CTNNA3: variants seen among roughly 807,000 people sequenced by gnomAD.
CTNNA3 encodes catenin alpha-3.
Under a neutral mutation model 95.7 loss-of-function variants are expected in CTNNA3, and 76 were observed. That is an observed-to-expected ratio of 0.79 (90% CI 0.66 to 0.96). The LOEUF (loss-of-function observed/expected upper bound fraction) is 0.96. Among genes scored for constraint, CTNNA3 ranks in the 40% least tolerant of loss-of-function variants. The pLI, the probability that CTNNA3 is intolerant of heterozygous loss-of-function variation, is 0.00. For synonymous variants in CTNNA3, 431 were observed against 374.4 expected (o/e 1.15, Z -1.74); for missense variants, 1,191 against 1,089.8 (o/e 1.09, Z -1.31).
intron 13 of CTNNA3, among the ~76,000 whole-genome samples, chr10:66,242,332 A>T (rs1241373396): frequency 6.6e-6 from 1 of 152,234 alleles, no homozygotes; most frequent in Non-Finnish European, 1.5e-5. Flanking sequence ...ACTAAACTGG[A>T]TTTCACCAAA....
intron 1 of CTNNA3, among the ~76,000 whole-genome samples, chr10:67,741,445 C>T (rs952912990): frequency 4.0e-5 from 6 of 150,062 alleles, no homozygotes; most frequent in Non-Finnish European, 7.4e-5. Flanking sequence ...ACTTTACAGA[C>T]AAGCAAATGC....
At chr10:67,322,101 C>T (rs894169572) in intron 5 of CTNNA3, among the ~76,000 whole-genome samples, 5 of 129,654 alleles carry the variant, frequency 3.9e-5, no homozygotes, top group African/African-American at 1.3e-4. Context: ...GGAGAAAAGT[C>T]CATGCTTATA....
intron 7 of CTNNA3, among the ~76,000 whole-genome samples, chr10:67,171,229 G>C (rs1456376319): frequency 6.6e-6 from 1 of 152,078 alleles, no homozygotes; most frequent in South Asian, 2.1e-4. Context: ...CATTTTAATT[G>C]CTTCTTGCTA....
intron 7 of CTNNA3, among the ~76,000 whole-genome samples, chr10:66,865,666 T>A (rs1024863470): frequency 2.6e-5 from 4 of 152,128 alleles, no homozygotes; most frequent in African/African-American, 9.6e-5. Context: ...GAAGATGTAT[T>A]CACACAAGAT....
intron 12 of CTNNA3, among the ~76,000 whole-genome samples, chr10:66,343,661 T>A (rs1455680534): frequency 2.0e-5 from 3 of 152,100 alleles, no homozygotes; most frequent in Non-Finnish European, 4.4e-5. Context: ...TAGTGCTCTA[T>A]ACCACTCTAG....
intron 12 of CTNNA3, among the ~76,000 whole-genome samples, chr10:66,346,949 T>G (rs969610330): frequency 1.1e-4 from 17 of 151,512 alleles, no homozygotes; most frequent in African/African-American, 3.9e-4. Flanking sequence ...TGGTCTGAGA[T>G]CTGCAGATGT....
intron 12 of CTNNA3, among the ~76,000 whole-genome samples, chr10:66,294,402 C>G (rs747923818): frequency 3.4e-4 from 52 of 152,208 alleles, no homozygotes; most frequent in Non-Finnish European, 6.2e-4. Flanking sequence ...ATCGCTGTTA[C>G]AAAGACAGCA....
At chr10:67,479,025 A>G (rs1186884779) in intron 5 of CTNNA3, among the ~76,000 whole-genome samples, 2 of 152,166 alleles carry the variant, frequency 1.3e-5, no homozygotes. Flanking sequence ...TTATTACACA[A>G]CGATAAAAGG....
At chr10:67,463,008 A>C (rs1223008261) in intron 5 of CTNNA3, among the ~76,000 whole-genome samples, 1 of 150,148 alleles carries the variant, frequency 6.7e-6, no homozygotes, top group African/African-American at 2.5e-5. Flanking sequence ...AGGTTCAAGC[A>C]ATTCTCCTGC....
At chr10:66,146,539 G>A (rs1284999857) in intron 13 of CTNNA3, among the ~76,000 whole-genome samples, 2 of 152,058 alleles carry the variant, frequency 1.3e-5, no homozygotes, top group African/African-American at 2.4e-5. Context: ...TGTTAATAAA[G>A]CATGTATTCT....
In CTNNA3 at chr10:66,379,310, A is replaced by G. The variant is rs369650158; in HGVS notation, c.1574T>C (p.Leu525Ser). Reference protein sequence around the residue: ...LEDVNKCIIALRDQDADNLDR... With the variant: ...LEDVNKCIIASRDQDADNLDR... ...TAAATTATCAGCATCCTGGTCTCTT[A>G]AGGCTATGATACACTTGTTGACATC... Residue 525 changes from leucine (L) to serine (S), a missense_variant, in exon 12 of 18, where the codon TTA becomes TCA. Coordinates refer to ENST00000433211, the MANE Select transcript of CTNNA3 (RefSeq NM_013266.4). 2.7e-5 allele frequency: 43 copies of G among 1,614,002 alleles called. No homozygotes were observed. In the African/African-American group the frequency reaches 5.6e-4, roughly 21 times the overall value.
chr10:66,556,289 T>C (rs1265871690), intron 10 of CTNNA3, among the ~76,000 whole-genome samples: 1 of 152,096 alleles, frequency 6.6e-6, no homozygotes, highest in Admixed American at 6.6e-5. Flanking sequence ...ATAGCCATTA[T>C]GGAAAAGAAT....
At chr10:67,603,464 G>A (rs912080882) in intron 3 of CTNNA3, among the ~76,000 whole-genome samples, 5 of 152,224 alleles carry the variant, frequency 3.3e-5, no homozygotes, top group South Asian at 2.1e-4. Flanking sequence ...ATTCCCATGC[G>A]TGTTATTGCC....
intron 7 of CTNNA3, among the ~76,000 whole-genome samples, chr10:66,806,514 T>C (rs959476133): frequency 6.6e-6 from 1 of 151,876 alleles, no homozygotes; most frequent in Non-Finnish European, 1.5e-5. Flanking sequence ...GTGCTAAAAA[T>C]TGTTTTGGCT....
intron 9 of CTNNA3, among the ~76,000 whole-genome samples, chr10:66,638,254 T>A (rs1845400836): frequency 6.6e-6 from 1 of 152,166 alleles, no homozygotes; most frequent in Non-Finnish European, 1.5e-5. Flanking sequence ...TTCCTGCAAG[T>A]GACTTGTTTT....
chr10:66,251,232 T>C (rs1005595311), intron 13 of CTNNA3, among the ~76,000 whole-genome samples: 3 of 152,154 alleles, frequency 2.0e-5, no homozygotes, highest in African/African-American at 7.2e-5. Flanking sequence ...GTCTCTTCCA[T>C]GGACATCTCT....
At chr10:66,575,633 T>C (rs556062170) in intron 10 of CTNNA3, among the ~76,000 whole-genome samples, 5 of 152,238 alleles carry the variant, frequency 3.3e-5, no homozygotes, top group African/African-American at 1.2e-4. Context: ...GAGACAGAGA[T>C]GGCATTCTCA....
At chr10:66,669,684 G>A (rs979660678) in intron 9 of CTNNA3, among the ~76,000 whole-genome samples, 2 of 152,196 alleles carry the variant, frequency 1.3e-5, no homozygotes, top group Non-Finnish European at 2.9e-5. Flanking sequence ...CTGGGTGGAG[G>A]ATGGGACAGG....
chr10:66,716,784 A>G (rs546066192), intron 9 of CTNNA3, among the ~76,000 whole-genome samples: 2 of 152,252 alleles, frequency 1.3e-5, no homozygotes, highest in Admixed American at 6.5e-5. Flanking sequence ...TAATTTCAAT[A>G]TATCTTGGAG....
Sources: allele counts gnomAD v4.1 joint callset (sites outside exome capture counted in the v4.1 genomes callset), GRCh38; gene constraint gnomAD v4.1.1; transcripts MANE v1.5; gene names NCBI Gene and HGNC (gene_info 2026-07-23, HGNC 2026-07-21).